SNX19: variants seen among roughly 807,000 people sequenced by gnomAD.
SNX19 encodes sorting nexin-19.
Under a neutral mutation model 85.2 loss-of-function variants are expected in SNX19, and 60 were observed. That is an observed-to-expected ratio of 0.70 (90% CI 0.57 to 0.87). SNX19 has a LOEUF of 0.87. Among genes scored for constraint, SNX19 ranks in the 40% least tolerant of loss-of-function variants. SNX19 has a pLI of 0.00. For missense variants in SNX19, 1,201 were observed against 1,217.8 expected (o/e 0.99, Z 0.21); for synonymous variants, 520 against 470.0 (o/e 1.11, Z -1.38).
At chr11:130,908,110 G>GA in intron 4 of SNX19, 27 bp from the exon 5 acceptor site, 2 of 1,611,276 alleles carry the variant, frequency 1.2e-6, no homozygotes, top group Non-Finnish European at 1.7e-6. Flanking sequence ...TGCAGGGTCA[G>GA]TCCATCCACA....
At chr11:130,881,016 C>A in intron 8 of SNX19, 1 of 382,052 alleles carries the variant, frequency 2.6e-6, no homozygotes, top group Non-Finnish European at 4.7e-6. Context: ...AGAGAGACTT[C>A]TCACCCCTTT....
chr11:130,915,969 T>C lies in SNX19; in HGVS notation c.-30A>G, dbSNP rs764987956. The C allele has an allele frequency of 6.3e-7, 1 of 1,586,928 alleles. No homozygotes were observed. ...GAACGGACAAGGTGGCTTCCCCAGA[T>C]GACAGCCCTCAAGATTTTACTTCAG... On this transcript the variant is annotated 5_prime_UTR_variant, in exon 1 of 11. Coordinates refer to ENST00000265909, the MANE Select transcript of SNX19 (RefSeq NM_014758.3).
chr11:130,889,013 C>G (rs1944297954), intron 8 of SNX19, among the ~76,000 whole-genome samples: 1 of 152,152 alleles, frequency 6.6e-6, no homozygotes, highest in Non-Finnish European at 1.5e-5. Context: ...TAAATGCTTT[C>G]ACCATGTAAT....
chr11:130,883,823 A>G (rs948087), intron 8 of SNX19, among the ~76,000 whole-genome samples: 25,213 of 152,120 alleles, frequency 0.17, 2,260 homozygotes, highest in Middle Eastern at 0.24. Flanking sequence ...AAAAATGATG[A>G]GCACGCCAAT....
Position 130,867,687 on chromosome 11 carries a change from C to G in SNX19, c.*10735G>C, listed in dbSNP as rs1942827445. On this transcript the variant is annotated 3_prime_UTR_variant, in exon 11 of 11. Transcript: ENST00000265909. ...AGAAAATCTCTACTGAGATGAGATG[C>G]ATTTTTAGGACAAACATGGAGACCA... 6.6e-6 allele frequency: 1 copy of G among 152,168 alleles called. No homozygotes were observed. The highest frequency in any genetic ancestry group is 2.1e-4 in the South Asian group (1 of 4,828). The allele number at this position is 152,168 out of a possible 1,614,324, so 9.4% of individuals were successfully genotyped here.
chr11:130,914,522 T>C lies in SNX19; in HGVS notation c.1418A>G (p.Glu473Gly), dbSNP rs1946386768. ...ASVTALLEGP[E>G]KTCPSRPSCL... ...TGACGGCCGTGAGGGGCAGGTCTTT[T>C]CTGGCCCCTCCAGCAAAGCTGTAAC... The change falls in exon 1 of 11, where the codon GAA becomes GGA. Residue 473 changes from glutamate to glycine, a missense_variant. Glu to Gly is a moderately conservative substitution (Grantham distance 98). Transcript: ENST00000265909. 1 of 1,614,006 alleles carries C rather than the reference T, an allele frequency of 6.2e-7. No individual in the cohort carries two copies. The highest frequency in any genetic ancestry group is 1.1e-5 in the South Asian group (1 of 91,076).
At chr11:130,885,902 T>C (rs964254208) in intron 8 of SNX19, among the ~76,000 whole-genome samples, 8 of 152,256 alleles carry the variant, frequency 5.3e-5, no homozygotes, top group African/African-American at 1.9e-4. Context: ...AGCAGGGTTT[T>C]CAACGTTGGT....
chr11:130,890,697 CG>C lies in SNX19; in HGVS notation c.2574-9892del, dbSNP rs1592305306. On this transcript the variant is annotated intron_variant, in intron 8 of 10. Coordinates refer to ENST00000265909, the MANE Select transcript of SNX19 (RefSeq NM_014758.3). ...TCTCTCTCTCACTGTCCGCTGGCAA[CG>C]CCCCACATTCTTTAAATCTCATCTC... Among the ~76,000 whole-genome samples the C allele has an allele frequency of 2.0e-5, 3 of 152,206 alleles. No individual in the cohort carries two copies. The East Asian group carries it at 5.8e-4, about 29-fold the overall frequency.
intron 5 of SNX19, 141 bp downstream of exon 5, chr11:130,907,812 G>T: frequency 7.8e-7 from 1 of 1,286,568 alleles, no homozygotes; most frequent in Non-Finnish European, 1.1e-6. Context: ...GAGGAGCCTG[G>T]GGTCTAGCTT....
chr11:130,897,032 C>T (rs1374098699), intron 8 of SNX19, among the ~76,000 whole-genome samples: 2 of 152,074 alleles, frequency 1.3e-5, no homozygotes, highest in South Asian at 2.1e-4. Context: ...GGGAGGTGGA[C>T]GTTGCGCCTT....
intron 8 of SNX19, among the ~76,000 whole-genome samples, chr11:130,900,891 G>C (rs992058920): frequency 1.3e-5 from 2 of 152,180 alleles, no homozygotes; most frequent in South Asian, 4.1e-4. Flanking sequence ...AAACTAAAGA[G>C]ACTATACTTT....
intron 8 of SNX19, 139 bp downstream of exon 8, chr11:130,903,116 C>T: frequency 8.2e-7 from 1 of 1,219,070 alleles, no homozygotes; most frequent in Non-Finnish European, 1.1e-6. Flanking sequence ...ACTCTCAAGG[C>T]ATTTTTCATC....
chr11:130,915,604 A>T lies in SNX19; in HGVS notation c.336T>A (p.Asp112Glu). The change falls in exon 1 of 11, where the codon GAT becomes GAA. Residue 112 changes from aspartate (D) to glutamate (E), a missense_variant. Physicochemically the swap from Asp to Glu is conservative, Grantham distance 45 (BLOSUM62 2). Around this residue, in one of 3 missense-constraint regions of SNX19, gnomAD observed 791 missense variants for 750.9 expected, o/e 1.05. Transcript: ENST00000265909. ...CGGAACGGTACCAAGATAACACAAA[A>T]TCTCGAATAATCATCTGGATGGTGC... ...INRTIQMIIR[D>E]FVLSWYRSVS... is the part of the protein sequence containing the mutation. The T allele has an allele frequency of 1.9e-6, 3 of 1,614,130 alleles. No homozygotes were observed. Among genetic ancestry groups the T allele is most frequent in the Non-Finnish European group, 1.7e-6 (2 of 1,179,990 alleles).
Position 130,903,314 on chromosome 11 carries a change from C to A in SNX19, c.2514G>T (p.Trp838Cys). The A allele has an allele frequency of 6.2e-7, 1 of 1,613,894 alleles. No homozygotes were observed. The highest frequency in any genetic ancestry group is 8.5e-7 in the Non-Finnish European group (1 of 1,179,930). ...ACTTTTGCATGTTTTCGGTACATAG[C>A]CATTTCCACTGTTCTGTTAGTAGCA... ...LLLLLTEQWK[W>C]LCTENMQKFL... Residue 838 changes from tryptophan (W) to cysteine (C), a missense_variant, in exon 8 of 11, where the codon TGG (tryptophan) becomes TGT (cysteine). Physicochemically the swap from Trp to Cys is radical, Grantham distance 215. Coordinates refer to ENST00000265909, the MANE Select transcript of SNX19 (RefSeq NM_014758.3).
intron 8 of SNX19, 21 bp from the exon 9 acceptor site, chr11:130,880,827 A>C (rs1313228733): frequency 1.3e-6 from 2 of 1,523,830 alleles, no homozygotes; most frequent in African/African-American, 2.7e-5. Context: ...AGAGAGACGA[A>C]AGCTTAGATA....
At chr11:130,886,299 T>C (rs527375447) in intron 8 of SNX19, among the ~76,000 whole-genome samples, 30 of 152,298 alleles carry the variant, frequency 2.0e-4, no homozygotes, top group African/African-American at 7.2e-4. Flanking sequence ...TATATATGTA[T>C]ATATCAGATC....
chr11:130,903,039 T>C, intron 8 of SNX19: 1 of 537,184 alleles, frequency 1.9e-6, no homozygotes, highest in Non-Finnish European at 3.2e-6. Context: ...CAGTACATTA[T>C]GCCAGAAGTC....
chr11:130,915,980 A>T lies in SNX19; in HGVS notation c.-41T>A. The T allele has an allele frequency of 1.3e-6, 2 of 1,556,280 alleles. No individual in the cohort carries two copies. Among genetic ancestry groups the T allele is most frequent in the Non-Finnish European group, 1.8e-6 (2 of 1,141,668 alleles). On this transcript the variant is annotated 5_prime_UTR_variant, in exon 1 of 11. An upstream open reading frame in the 5' UTR loses its in-frame stop. Transcript: ENST00000265909. ...GTGGCTTCCCCAGATGACAGCCCTC[A>T]AGATTTTACTTCAGAGTTAGGGAAG...
At chr11:130,889,746 G>A (rs1200659097) in intron 8 of SNX19, among the ~76,000 whole-genome samples, 3 of 152,024 alleles carry the variant, frequency 2.0e-5, no homozygotes, top group African/African-American at 7.2e-5. Flanking sequence ...ATGGTCTGCT[G>A]ACAAACACAT....
Sources: allele counts gnomAD v4.1 joint callset (sites outside exome capture counted in the v4.1 genomes callset), GRCh38; gene constraint gnomAD v4.1.1; regional missense constraint gnomAD v4.1.1; transcripts MANE v1.5; gene names NCBI Gene and HGNC (gene_info 2026-07-23, HGNC 2026-07-21).